PDE12: variants seen among roughly 807,000 people sequenced by gnomAD.
PDE12 encodes the protein phosphodiesterase 12, also known as 2',5'-phosphodiesterase 12.
A neutral mutation model predicts 45.4 loss-of-function variants in PDE12; 26 were observed. The ratio of observed to expected loss-of-function variants is 0.57; its 90% CI spans 0.42 to 0.79. PDE12 has a LOEUF of 0.79. Ranked by LOEUF, PDE12 falls within the 30% of genes least tolerant of loss-of-function variation. The pLI, the probability that PDE12 is intolerant of heterozygous loss-of-function variation, is 0.00. For missense variants in PDE12, 668 were observed against 790.0 expected, an observed-to-expected ratio of 0.85 and a Z score of 1.85; for synonymous variants, 283 against 323.9, an observed-to-expected ratio of 0.87 and a Z score of 1.36.
At chr3:57,654,450 G>C in the PDE12 span, among the ~76,000 whole-genome samples, 6 of 152,102 alleles carry the variant, frequency 3.9e-5, no homozygotes, top group Non-Finnish European at 8.8e-5. Context: ...CAGCCAATGC[G>C]GTAGAAAGCC....
At chr3:57,600,427 CT>C in the PDE12 span, among the ~76,000 whole-genome samples, 1 of 148,988 alleles carries the variant, frequency 6.7e-6, no homozygotes, top group Non-Finnish European at 1.5e-5. Context: ...TTTCCTTTCC[CT>C]TTTCCCCTCC....
At chr3:57,611,856 A>G in the PDE12 span, among the ~76,000 whole-genome samples, 1 of 152,152 alleles carries the variant, frequency 6.6e-6, no homozygotes, top group Non-Finnish European at 1.5e-5. Flanking sequence ...AACTAGAAAT[A>G]CCATTTGACC....
In PDE12 at chr3:57,564,037, G is replaced by A. The variant is rs939254996; in HGVS notation, c.*4033G>A. ...AAAATACTAGAGCTGTATTAACTTC[G>A]TGATTTTATTTTTCTTCTTAGCACT... On this transcript the variant is annotated 3_prime_UTR_variant, in exon 3 of 3. Transcript: ENST00000311180. The A allele has an allele frequency of 1.3e-5, 2 of 152,088 alleles. No individual in the cohort carries two copies. The highest frequency in any genetic ancestry group is 2.9e-5 in the Non-Finnish European group (2 of 68,018). The allele number at this position is 152,088 out of a possible 1,614,324, so 9.4% of individuals were successfully genotyped here. A position where few individuals can be genotyped will look rare whatever the true frequency, so the allele number is the denominator to read the frequency against.
At chr3:57,646,374 G>C in the PDE12 span, 3 of 1,614,038 alleles carry the variant, frequency 1.9e-6, no homozygotes, top group Non-Finnish European at 1.7e-6. Flanking sequence ...ATAACCACAA[G>C]GGGCTCCCCC....
chr3:57,569,234 T>C (rs2069812550), downstream of PDE12, among the ~76,000 whole-genome samples: 1 of 151,410 alleles, frequency 6.6e-6, no homozygotes, highest in Non-Finnish European at 1.5e-5. Context: ...CTCAATACTT[T>C]CTCCCAAAAC....
the PDE12 span, among the ~76,000 whole-genome samples, chr3:57,620,705 A>C: frequency 6.6e-6 from 1 of 152,210 alleles, no homozygotes; most frequent in Non-Finnish European, 1.5e-5. Context: ...AAAATTGTAA[A>C]TTTAAATTTT....
chr3:57,630,532 A>T, the PDE12 span: 1 of 1,584,456 alleles, frequency 6.3e-7, no homozygotes, highest in Admixed American at 2.0e-5. Context: ...GCCTATAAAA[A>T]TACATTTTAA....
chr3:57,591,111 T>C, the PDE12 span, among the ~76,000 whole-genome samples: 1 of 152,238 alleles, frequency 6.6e-6, no homozygotes, highest in South Asian at 2.1e-4. Context: ...AGAACCCTCA[T>C]ATATTGCTAG....
In PDE12 at chr3:57,565,389, A is replaced by C. The variant is rs1559779567; in HGVS notation, c.*5385A>C. 6.6e-6 allele frequency: 1 copy of C among 152,258 alleles called. No individual in the cohort carries two copies. Among genetic ancestry groups the C allele is most frequent in the African/African-American group, 2.4e-5 (1 of 41,470 alleles). The allele number at this position is 152,258 out of a possible 1,614,324, so 9.4% of individuals were successfully genotyped here. ...GGGTACATAGTAGGTGTATATATTT[A>C]TGTGGGACATATTTCTTTTGATAGA... On this transcript the variant is annotated 3_prime_UTR_variant, in exon 3 of 3. Transcript: ENST00000311180.
chr3:57,606,406 A>C, the PDE12 span, among the ~76,000 whole-genome samples: 1 of 152,184 alleles, frequency 6.6e-6, no homozygotes, highest in South Asian at 2.1e-4. Context: ...AAAGAAGGAA[A>C]AATAAAGATG....
the PDE12 span, among the ~76,000 whole-genome samples, chr3:57,613,442 T>A: frequency 6.6e-6 from 1 of 151,574 alleles, no homozygotes; most frequent in Admixed American, 6.6e-5. Flanking sequence ...TACAAGCGCC[T>A]GCCACCGCAC....
Position 57,557,163 on chromosome 3 carries a change from C to G in PDE12, c.784C>G (p.Arg262Gly). ...PGDGQRFGHS[R>G]ELESVCVVEA... ...CGATGGGCAGCGCTTTGGGCACAGCCGGGAGTTGGAAAGTGTGTGTGTGGT... is the reference window on the plus strand; with the variant it reads ...CGATGGGCAGCGCTTTGGGCACAGCGGGGAGTTGGAAAGTGTGTGTGTGGT... The change falls in exon 1 of 3, where the codon CGG (arginine) becomes GGG (glycine). Residue 262 changes from arginine (R) to glycine (G), a missense_variant. Arg to Gly is a moderately radical substitution (Grantham distance 125). Coordinates refer to ENST00000311180, the MANE Select transcript of PDE12 (RefSeq NM_177966.7). 6.2e-7 allele frequency: 1 copy of G among 1,614,004 alleles called. No individual in the cohort carries two copies.
chr3:57,597,413 C>T, the PDE12 span: 1 of 313,854 alleles, frequency 3.2e-6, no homozygotes, highest in Non-Finnish European at 6.0e-6. Context: ...CGCGGCGACT[C>T]CAGCAGCGGC....
the PDE12 span, chr3:57,572,380 A>G: frequency 6.4e-6 from 7 of 1,101,906 alleles, no homozygotes; most frequent in Admixed American, 1.1e-4. Context: ...ATCAAACTTA[A>G]GAGTCTTTTC....
chr3:57,556,535 A>G lies in PDE12; in HGVS notation c.156A>G (p.Ser52=), dbSNP rs1326517742. 2 of 1,613,552 alleles carry G rather than the reference A, an allele frequency of 1.2e-6. No homozygotes were observed. Among genetic ancestry groups the G allele is most frequent in the South Asian group, 1.1e-5 (1 of 91,092 alleles). The change falls in exon 1 of 3, where the codon TCA becomes TCG. Residue 52 remains serine, a synonymous_variant. Coordinates refer to ENST00000311180, the MANE Select transcript of PDE12 (RefSeq NM_177966.7). This position sits in a 1 kb window ranked among gnomAD's most constrained non-coding sequence, Gnocchi z 5.0. ...CTTCGGAACCCAAGCTGAGCCTGTC[A>G]TTCGCTTTGGCTGATGGTAGCCACA... ...CVPSEPKLSL[S]FALADGSHKN... is the part of the protein sequence containing the mutation.
the PDE12 span, among the ~76,000 whole-genome samples, chr3:57,602,969 C>T: frequency 1.3e-5 from 2 of 152,028 alleles, no homozygotes; most frequent in Middle Eastern, 6.8e-3. Flanking sequence ...GAGTTTGAGA[C>T]CAACCTGGCC....
At chr3:57,619,491 T>C in the PDE12 span, 1 of 152,216 alleles carries the variant, frequency 6.6e-6, no homozygotes, top group African/African-American at 2.4e-5. Flanking sequence ...CTTGGCAAGG[T>C]TGGAAGAGGC....
chr3:57,630,824 T>A, the PDE12 span: 1 of 1,612,824 alleles, frequency 6.2e-7, no homozygotes, highest in South Asian at 1.1e-5. Flanking sequence ...TGAGGTGGAC[T>A]CTAGAAAACA....
chr3:57,655,407 G>A, the PDE12 span, among the ~76,000 whole-genome samples: 1 of 152,282 alleles, frequency 6.6e-6, no homozygotes, highest in African/African-American at 2.4e-5. Context: ...ATATCCAGGA[G>A]ACAAGACATG....
Sources: allele counts gnomAD v4.1 joint callset (sites outside exome capture counted in the v4.1 genomes callset), GRCh38; gene constraint gnomAD v4.1.1; non-coding constraint Gnocchi (gnomAD v3.1); transcripts MANE v1.5; gene names NCBI Gene and HGNC (gene_info 2026-07-23, HGNC 2026-07-21).